SMARCC1: variants seen among roughly 807,000 people sequenced by gnomAD.
The protein encoded by SMARCC1 is SWI/SNF complex subunit SMARCC1.
A neutral mutation model predicts 147.4 loss-of-function variants in SMARCC1; 43 were observed. That is an observed-to-expected ratio of 0.29 (90% CI 0.23 to 0.38). SMARCC1 has a LOEUF of 0.38. Among genes scored for constraint, SMARCC1 ranks in the 10% least tolerant of loss-of-function variants. The pLI is 1.00. For synonymous variants in SMARCC1, 495 were observed against 484.4 expected (o/e 1.02, Z -0.29); for missense variants, 1,119 against 1,381.1 (o/e 0.81, Z 3.01).
Position 47,661,373 on chromosome 3 carries a change from G to A in SMARCC1, c.2241C>T (p.Ala747=). The A allele has an allele frequency of 6.2e-7, 1 of 1,613,806 alleles. No individual in the cohort carries two copies. The highest frequency in any genetic ancestry group is 1.1e-5 in the South Asian group (1 of 91,042). ...HVKKVQEAAR[A]SGKVDPTYGL... is the part of the protein sequence containing the mutation. ...CGTAGGTGGGATCCACTTTCCCAGA[G>A]GCTCGTGCTGCTTCTTGTACTTTCT... Residue 747 remains alanine (A), a synonymous_variant, in exon 21 of 28, where the codon GCC becomes GCT. Transcript: ENST00000254480.
Position 47,610,258 on chromosome 3 carries a change from C to G in SMARCC1, c.2851G>C (p.Glu951Gln), listed in dbSNP as rs1198869877. ...TCCATTTGCTGTCGTGCTCGTAATT[C>G]AGCATACTTCAGCTGTTCCATGTGG... ...NFHMEQLKYA[E>Q]LRARQQMEQQ... The change falls in exon 26 of 28, where the codon GAA becomes CAA. Residue 951 changes from glutamate to glutamine, a missense_variant. By Grantham distance (29) the Glu-to-Gln change is conservative. Around this residue, in one of 6 missense-constraint regions of SMARCC1, gnomAD observed 186 missense variants for 216.5 expected, o/e 0.86. Transcript: ENST00000254480. 2 of 1,614,198 alleles carry G rather than the reference C, an allele frequency of 1.2e-6. No individual in the cohort carries two copies. The highest frequency in any genetic ancestry group is 3.3e-5 in the Admixed American group (2 of 60,010).
At chr3:47,701,579 C>T (rs1026901307) in intron 10 of SMARCC1, 177 bp from the exon 11 acceptor site, 16 of 579,998 alleles carry the variant, frequency 2.8e-5, no homozygotes, top group African/African-American at 5.8e-5. Flanking sequence ...CTTTGGGAGG[C>T]CGAGGCAGGT....
chr3:47,604,468 G>A (rs563589068), intron 26 of SMARCC1: 2 of 366,688 alleles, frequency 5.5e-6, no homozygotes, highest in East Asian at 1.5e-4. Flanking sequence ...AACTTTTCTG[G>A]AACTTAGGAA....
chr3:47,768,588 T>C (rs965073875), intron 2 of SMARCC1, among the ~76,000 whole-genome samples: 23 of 152,212 alleles, frequency 1.5e-4, no homozygotes, highest in Admixed American at 1.5e-3. Context: ...TAAATTATGT[T>C]ACAATTAATA....
chr3:47,687,520 A>T (rs752665310), intron 13 of SMARCC1, among the ~76,000 whole-genome samples: 19 of 152,202 alleles, frequency 1.2e-4, no homozygotes, highest in Admixed American at 6.5e-4. Flanking sequence ...TCCTTTTAAG[A>T]TATATAAACG....
intron 7 of SMARCC1, among the ~76,000 whole-genome samples, chr3:47,716,410 C>A (rs2034156514): frequency 1.0e-5 from 1 of 95,588 alleles, no homozygotes. Flanking sequence ...AGTGAGACTC[C>A]ATCTCAAAAA....
intron 8 of SMARCC1, among the ~76,000 whole-genome samples, chr3:47,711,011 A>G (rs1398974241): frequency 6.6e-6 from 1 of 152,238 alleles, no homozygotes; most frequent in Non-Finnish European, 1.5e-5. Context: ...GAAAGCATCA[A>G]TAATTTATAC....
chr3:47,671,601 A>C (rs1246942049), intron 18 of SMARCC1, among the ~76,000 whole-genome samples: 1 of 152,220 alleles, frequency 6.6e-6, no homozygotes, highest in African/African-American at 2.4e-5. Flanking sequence ...ATGTGAGTAT[A>C]ACAGAAGTGA....
At chr3:47,630,304 A>G (rs570234572) in intron 24 of SMARCC1, among the ~76,000 whole-genome samples, 6 of 152,314 alleles carry the variant, frequency 3.9e-5, no homozygotes, top group Admixed American at 3.9e-4. Flanking sequence ...TTGCACTCCT[A>G]TGAGAATCTA....
chr3:47,678,124 T>C (rs1291380303), intron 16 of SMARCC1, 74 bp downstream of exon 16: 1 of 759,604 alleles, frequency 1.3e-6, no homozygotes, highest in African/African-American at 1.8e-5. Flanking sequence ...ACCAGTTTAA[T>C]CAAGCAAACA....
At chr3:47,619,274 C>T (rs917435058) in intron 25 of SMARCC1, among the ~76,000 whole-genome samples, 4 of 152,182 alleles carry the variant, frequency 2.6e-5, no homozygotes, top group African/African-American at 7.2e-5. Context: ...TTATCCTTTC[C>T]ACTTTCCCAA....
At chr3:47,609,076 A>C (rs540162434) in intron 26 of SMARCC1, among the ~76,000 whole-genome samples, 139 of 152,304 alleles carry the variant, frequency 9.1e-4, no homozygotes, top group African/African-American at 3.2e-3. Flanking sequence ...TTTAAGAGAC[A>C]TGTCAACAAA....
At chr3:47,728,921 C>A in intron 6 of SMARCC1, 104 bp downstream of exon 6, 1 of 686,882 alleles carries the variant, frequency 1.5e-6, no homozygotes, top group South Asian at 2.8e-5. Flanking sequence ...AAAACAAAAA[C>A]AAATAAAAAG....
intron 2 of SMARCC1, among the ~76,000 whole-genome samples, chr3:47,757,177 G>A (rs1288069698): frequency 6.6e-6 from 1 of 152,064 alleles, no homozygotes; most frequent in Non-Finnish European, 1.5e-5. Flanking sequence ...TCTGAGCCCA[G>A]GCGTTTGAGG....
chr3:47,663,790 C>G (rs1160046924), intron 19 of SMARCC1: 1 of 1,580,996 alleles, frequency 6.3e-7, no homozygotes, highest in Non-Finnish European at 8.7e-7. Flanking sequence ...CGGCGGCCGC[C>G]CTCACCTACA....
intron 6 of SMARCC1, among the ~76,000 whole-genome samples, 181 bp from the exon 7 acceptor site, chr3:47,720,916 G>GAAA (rs1393863264): frequency 1.3e-5 from 2 of 152,164 alleles, no homozygotes; most frequent in African/African-American, 4.8e-5. Context: ...AGATTAAAGG[G>GAAA]AAATTTCTCA....
chr3:47,597,268 C>G (rs372990771), intron 26 of SMARCC1, among the ~76,000 whole-genome samples: 2 of 152,158 alleles, frequency 1.3e-5, no homozygotes, highest in African/African-American at 4.8e-5. Flanking sequence ...GTGATGCCCC[C>G]GCCTCAACTT....
chr3:47,778,006 G>A (rs2034995711), intron 1 of SMARCC1, among the ~76,000 whole-genome samples: 1 of 150,672 alleles, frequency 6.6e-6, no homozygotes, highest in Non-Finnish European at 1.5e-5. Flanking sequence ...AGGAGTTCAA[G>A]CCCAGCCTGG....
chr3:47,706,170 C>A (rs971060769), intron 10 of SMARCC1, among the ~76,000 whole-genome samples: 2 of 151,844 alleles, frequency 1.3e-5, no homozygotes, highest in African/African-American at 4.8e-5. Flanking sequence ...AAAAAAATTC[C>A]AAGTGATTCT....
Sources: allele counts gnomAD v4.1 joint callset (sites outside exome capture counted in the v4.1 genomes callset), GRCh38; gene constraint gnomAD v4.1.1; regional missense constraint gnomAD v4.1.1; transcripts MANE v1.5; gene names NCBI Gene and HGNC (gene_info 2026-07-23, HGNC 2026-07-21).